Variants in PCDHGB2 observed in about 807,000 individuals in gnomAD.
The protein encoded by PCDHGB2 is protocadherin gamma-B2.
PCDHGB2 carries 55 observed loss-of-function variants against 59.3 expected under a neutral mutation model. That is an observed-to-expected ratio of 0.93 (90% CI 0.75 to 1.16). The LOEUF is 1.16. PCDHGB2 is among the 50% of genes most tolerant of loss of function. PCDHGB2 has a pLI of 0.00. For missense variants in PCDHGB2, 1,228 were observed against 1,198.5 expected, an observed-to-expected ratio of 1.02 and a Z score of -0.36; for synonymous variants, 516 against 512.0, an observed-to-expected ratio of 1.01 and a Z score of -0.11.
At chr5:141,419,139 G>C in intron 1 of PCDHGB2, 1 of 1,613,916 alleles carries the variant, frequency 6.2e-7, no homozygotes, top group South Asian at 1.1e-5. Flanking sequence ...GCCACAGACA[G>C]GGGCAAGCCT....
At chr5:141,441,246 C>G (rs2098234855) in intron 1 of PCDHGB2, 1 of 152,136 alleles carries the variant, frequency 6.6e-6, no homozygotes, top group Non-Finnish European at 1.5e-5. Flanking sequence ...ATCACAAGAT[C>G]TTTAAATCAC....
chr5:141,496,959 G>C (rs1451127360), intron 2 of PCDHGB2, among the ~76,000 whole-genome samples: 2 of 151,894 alleles, frequency 1.3e-5, no homozygotes, highest in Non-Finnish European at 2.9e-5. Flanking sequence ...GCCAAGGTGG[G>C]TAGATCACTT....
In PCDHGB2 at chr5:141,361,166, C is replaced by T. The variant is rs1471893315; in HGVS notation, c.1031C>T (p.Ala344Val). 3 of 1,613,940 alleles carry T rather than the reference C, an allele frequency of 1.9e-6. No homozygotes were observed. The Admixed American group carries it at 5.0e-5, about 27-fold the overall frequency. The change falls in exon 1 of 4, where the codon GCA (alanine) becomes GTA (valine). Residue 344 changes from alanine to valine, a missense_variant. Ala to Val is a moderately conservative substitution (Grantham distance 64). Coordinates refer to ENST00000522605, the MANE Select transcript of PCDHGB2 (RefSeq NM_018923.3). Reference protein sequence around the residue: ...QVEILDDNDCAPEVIVTSVST... With the variant: ...QVEILDDNDCVPEVIVTSVST... ...GAAATTCTTGATGACAACGATTGTG[C>T]ACCTGAAGTTATTGTGACTTCAGTA...
chr5:141,471,747 T>A (rs2099263878), intron 1 of PCDHGB2, among the ~76,000 whole-genome samples: 1 of 152,200 alleles, frequency 6.6e-6, no homozygotes, highest in African/African-American at 2.4e-5. Context: ...ACATAACATA[T>A]TTGAGGGTGT....
chr5:141,398,525 T>A, intron 1 of PCDHGB2: 1 of 1,613,440 alleles, frequency 6.2e-7, no homozygotes, highest in Non-Finnish European at 8.5e-7. Flanking sequence ...ACGCCAAAAT[T>A]CACGCAAAAT....
At chr5:141,375,326 G>A in intron 1 of PCDHGB2, 2 of 1,613,776 alleles carry the variant, frequency 1.2e-6, no homozygotes, top group Non-Finnish European at 1.7e-6. Flanking sequence ...CCGGGAAGAG[G>A]TATTCTTGTA....
intron 1 of PCDHGB2, among the ~76,000 whole-genome samples, chr5:141,402,737 G>T (rs948478466): frequency 3.9e-5 from 6 of 152,276 alleles, no homozygotes; most frequent in East Asian, 1.9e-4. Context: ...CGCCGCTGTT[G>T]ATCAACTCTA....
At chr5:141,383,464 A>C (rs368298668) in intron 1 of PCDHGB2, 99 of 1,613,728 alleles carry the variant, frequency 6.1e-5, no homozygotes, top group Non-Finnish European at 8.2e-5. Context: ...AGACGATGAA[A>C]CTAAGTACCC....
chr5:141,405,204 A>G, intron 1 of PCDHGB2: 1 of 1,613,034 alleles, frequency 6.2e-7, no homozygotes. Flanking sequence ...GCTTTCCTAC[A>G]GACCTATTCT....
chr5:141,475,741 G>C (rs1455125695), intron 1 of PCDHGB2, among the ~76,000 whole-genome samples: 1 of 152,268 alleles, frequency 6.6e-6, no homozygotes, highest in Non-Finnish European at 1.5e-5. Flanking sequence ...CCCTAAGGTA[G>C]GTTTCCTATG....
At chr5:141,479,798 G>A (rs892288776) in intron 1 of PCDHGB2, among the ~76,000 whole-genome samples, 3 of 152,116 alleles carry the variant, frequency 2.0e-5, no homozygotes, top group African/African-American at 7.2e-5. Flanking sequence ...ATTAATTCAG[G>A]GTGGTATGCA....
chr5:141,485,827 G>A lies in PCDHGB2; in HGVS notation c.2422-8980G>A. 1 of 1,614,154 alleles carries A rather than the reference G, an allele frequency of 6.2e-7. No individual in the cohort carries two copies. The highest frequency in any genetic ancestry group is 1.1e-5 in the South Asian group (1 of 91,080). On this transcript the variant is annotated intron_variant, in intron 1 of 3. Coordinates refer to ENST00000522605, the MANE Select transcript of PCDHGB2 (RefSeq NM_018923.3). The surrounding 1 kb of genome is among the most constrained non-coding windows in gnomAD (Gnocchi z 5.7). Reference sequence around the variant, plus strand: ...TGGTGCTGACTGCTGTCGATGGAGGGAACCCGCCGAGATCTGGCACCGCAG... The same window carrying A: ...TGGTGCTGACTGCTGTCGATGGAGGAAACCCGCCGAGATCTGGCACCGCAG...
intron 1 of PCDHGB2, chr5:141,398,338 G>A (rs1261830149): frequency 4.4e-6 from 6 of 1,375,730 alleles, no homozygotes; most frequent in Non-Finnish European, 6.0e-6. Context: ...CGTCAGTTCG[G>A]AGAAGCCTTA....
chr5:141,372,132 C>A, intron 1 of PCDHGB2: 1 of 1,613,718 alleles, frequency 6.2e-7, no homozygotes, highest in Non-Finnish European at 8.5e-7. Flanking sequence ...TATGGTGCCG[C>A]GCTCTGCAGA....
chr5:141,500,186 T>A (rs1008615587), intron 2 of PCDHGB2, among the ~76,000 whole-genome samples: 7 of 99,362 alleles, frequency 7.0e-5, no homozygotes, highest in African/African-American at 3.5e-4. Flanking sequence ...ATTTTTATTT[T>A]TATTTATTTA....
chr5:141,431,239 G>A lies in PCDHGB2; in HGVS notation c.2422-63568G>A. 6.2e-7 allele frequency: 1 copy of A among 1,614,152 alleles called. No homozygotes were observed. The highest frequency in any genetic ancestry group is 1.3e-5 in the African/African-American group (1 of 75,062). On this transcript the variant is annotated intron_variant, in intron 1 of 3. Transcript: ENST00000522605. This position sits in a 1 kb window ranked among gnomAD's most constrained non-coding sequence, Gnocchi z 4.8. ...TCCCTCTACCCCACGCCTGGGATCC[G>A]GATATCGGGAAGAACTCTCTGCAGA...
Position 141,493,554 on chromosome 5 carries a change from G to A in PCDHGB2, c.2422-1253G>A, listed in dbSNP as rs2099748882. The stretch of plus-strand genomic sequence containing the variant: ...GGCCAGTTATCCTTTTGGAGATTGA[G>A]TTCCCCCAGCTCCGTTTCCTCCTAT... On this transcript the variant is annotated intron_variant, in intron 1 of 3. Coordinates refer to ENST00000522605, the MANE Select transcript of PCDHGB2 (RefSeq NM_018923.3). The surrounding 1 kb of genome is among the most constrained non-coding windows in gnomAD (Gnocchi z 4.3). 6.6e-6 allele frequency among the ~76,000 whole-genome samples: 1 copy of A among 152,166 alleles called. No homozygotes were observed. Among genetic ancestry groups the A allele is most frequent in the Admixed American group, 6.5e-5 (1 of 15,282 alleles).
At chr5:141,385,452 G>C in intron 1 of PCDHGB2, 2 of 1,446,532 alleles carry the variant, frequency 1.4e-6, no homozygotes, top group Non-Finnish European at 1.8e-6. Context: ...GAGTTTACCA[G>C]TTTCCTTCAG....
At chr5:141,403,748 G>A in intron 1 of PCDHGB2, 1 of 1,613,956 alleles carries the variant, frequency 6.2e-7, no homozygotes, top group East Asian at 2.2e-5. Context: ...TACTGCAACA[G>A]CCAGCGACCT....
Sources: allele counts gnomAD v4.1 joint callset (sites outside exome capture counted in the v4.1 genomes callset), GRCh38; gene constraint gnomAD v4.1.1; non-coding constraint Gnocchi (gnomAD v3.1); transcripts MANE v1.5; gene names NCBI Gene and HGNC (gene_info 2026-07-23, HGNC 2026-07-21).